F5: variants seen among roughly 807,000 people sequenced by gnomAD.
F5 encodes the protein activated protein c cofactor.
F5 carries 138 observed loss-of-function variants against 216.4 expected under a neutral mutation model. That is an observed-to-expected ratio of 0.64 (90% CI 0.56 to 0.73). The LOEUF is 0.73. F5 is among the 30% of genes least tolerant of loss of function. F5 has a pLI of 0.00. For synonymous variants in F5, 916 were observed against 930.7 expected (o/e 0.98, Z 0.29); for missense variants, 2,403 against 2,674.0 (o/e 0.90, Z 2.24).
At chr1:169,565,948 T>A (rs1466040200) in intron 3 of F5, among the ~76,000 whole-genome samples, 1 of 152,086 alleles carries the variant, frequency 6.6e-6, no homozygotes, top group Admixed American at 6.6e-5. Flanking sequence ...TTAAGTCACT[T>A]CCTGTAAGTT....
intron 3 of F5, among the ~76,000 whole-genome samples, chr1:169,566,014 A>G (rs1660590787): frequency 6.6e-6 from 1 of 152,150 alleles, no homozygotes; most frequent in African/African-American, 2.4e-5. Context: ...GTCTCCACTA[A>G]TAAGCAGGAA....
Position 169,542,978 on chromosome 1 carries a change from C to T in F5, c.2112G>A (p.Met704Ile), listed in dbSNP as rs1659906937. 3.7e-6 allele frequency: 6 copies of T among 1,613,968 alleles called. No homozygotes were observed. Among genetic ancestry groups the T allele is most frequent in the African/African-American group, 2.7e-5 (2 of 74,904 alleles). ...EIFEPPESTV[M>I]ATRKMHDRLE... is the part of the protein sequence containing the mutation. ...AACGATCATGCATTTTCCGTGTAGCCATGACTGTAGATTCTGGAGGTTCAA... is the reference window on the plus strand; with the variant it reads ...AACGATCATGCATTTTCCGTGTAGCTATGACTGTAGATTCTGGAGGTTCAA... The change falls in exon 13 of 25, where the codon ATG (methionine) becomes ATA (isoleucine). Residue 704 changes from methionine (M) to isoleucine (I), a missense_variant. Around this residue, in one of 4 missense-constraint regions of F5, gnomAD observed 1,425 missense variants for 1,554.8 expected, o/e 0.92. Transcript: ENST00000367797.
intron 14 of F5, among the ~76,000 whole-genome samples, chr1:169,533,289 A>G (rs1281709082): frequency 1.3e-5 from 2 of 152,200 alleles, no homozygotes. Context: ...TAAATGTCAG[A>G]CCTCAAACTA....
chr1:169,541,148 T>C lies in F5; in HGVS notation c.3942A>G (p.Pro1314=), dbSNP rs1306878172. Residue 1314 remains proline, a synonymous_variant, in exon 13 of 25, where the codon CCA becomes CCG. Transcript: ENST00000367797. ...GAGAAATGGGCATCTGACCGAGGGC[T>C]GGGGAAAGGTTTGTCTGACTGAGTT... ...SPELSQTNLS[P]ALGQMPISPD... The C allele has an allele frequency of 5.7e-6, 9 of 1,574,034 alleles. No homozygotes were observed. The Admixed American group carries it at 1.6e-4, about 27-fold the overall frequency.
Position 169,546,440 on chromosome 1 carries a change from A to C in F5, c.1762+2T>G. On this transcript the variant is annotated splice_donor_variant, in intron 11 of 24. Coordinates refer to ENST00000367797, the MANE Select transcript of F5 (RefSeq NM_000130.5). LOFTEE classifies it high-confidence loss of function. ...ATGAACAAAAATAGTACTCTGACTT[A>C]CTGCTCATGATGTTTGATTCATAAA... 6.2e-7 allele frequency: 1 copy of C among 1,614,086 alleles called. No individual in the cohort carries two copies. Among genetic ancestry groups the C allele is most frequent in the Non-Finnish European group, 8.5e-7 (1 of 1,179,984 alleles).
chr1:169,551,734 T>G (rs764147122), intron 8 of F5, among the ~76,000 whole-genome samples: 1 of 152,224 alleles, frequency 6.6e-6, no homozygotes, highest in Non-Finnish European at 1.5e-5. Flanking sequence ...AGCCTTTGGA[T>G]CATCCTTTGT....
chr1:169,560,234 A>G (rs9332563), intron 4 of F5, among the ~76,000 whole-genome samples: 4,489 of 152,254 alleles, frequency 0.029, 233 homozygotes, highest in African/African-American at 0.1. Flanking sequence ...GCTACTGTAT[A>G]CTTTCTAAAA....
At chr1:169,522,065 A>G (rs772422372) in intron 21 of F5, among the ~76,000 whole-genome samples, 18 of 152,188 alleles carry the variant, frequency 1.2e-4, no homozygotes, top group Non-Finnish European at 1.6e-4. Flanking sequence ...CTCTACACAT[A>G]TAAACTTAAC....
At chr1:169,519,572 G>T (rs1659243929) in intron 22 of F5, among the ~76,000 whole-genome samples, 1 of 152,146 alleles carries the variant, frequency 6.6e-6, no homozygotes, top group Non-Finnish European at 1.5e-5. Context: ...GGTATACTGT[G>T]CCATTATCTG....
chr1:169,514,797 G>A (rs1005046311), intron 24 of F5, among the ~76,000 whole-genome samples: 1 of 152,106 alleles, frequency 6.6e-6, no homozygotes, highest in African/African-American at 2.4e-5. Flanking sequence ...TCTCACCAGT[G>A]ATCTGACTTA....
chr1:169,541,620 A>G lies in F5; in HGVS notation c.3470T>C (p.Leu1157Pro). ...GGACTTGTGACTTCGGTCATACTCA[A>G]GCATTTCACTGAGCTCTGGAGAAGA... The part of the protein sequence containing the change: ...RSSSPELSEM[L>P]EYDRSHKSFP... The change falls in exon 13 of 25, where the codon CTT (leucine) becomes CCT (proline). Residue 1157 changes from leucine (L) to proline (P), a missense_variant. By Grantham distance (98) the Leu-to-Pro change is moderately conservative. Coordinates refer to ENST00000367797, the MANE Select transcript of F5 (RefSeq NM_000130.5). The G allele has an allele frequency of 1.2e-6, 2 of 1,614,102 alleles. No homozygotes were observed. The highest frequency in any genetic ancestry group is 1.7e-6 in the Non-Finnish European group (2 of 1,179,982).
At chr1:169,559,029 C>A in intron 5 of F5, 124 bp downstream of exon 5, 2 of 974,016 alleles carry the variant, frequency 2.1e-6, no homozygotes, top group Non-Finnish European at 3.2e-6. Context: ...GAAAATATTT[C>A]CTTCTTGATA....
chr1:169,571,053 TTAAA>T (rs5778623), intron 3 of F5, among the ~76,000 whole-genome samples: 41,688 of 151,864 alleles, frequency 0.27, 5,999 homozygotes, highest in South Asian at 0.36. Context: ...GGAAAGATAT[TTAAA>T]TGTGAACCAT....
At chr1:169,570,623 G>T (rs1268474080) in intron 3 of F5, among the ~76,000 whole-genome samples, 1 of 152,068 alleles carries the variant, frequency 6.6e-6, no homozygotes, top group Non-Finnish European at 1.5e-5. Context: ...GTAGTTCATT[G>T]ACCTATTATC....
chr1:169,517,677 T>C (rs1659191048), intron 23 of F5, among the ~76,000 whole-genome samples: 1 of 152,164 alleles, frequency 6.6e-6, no homozygotes, highest in Non-Finnish European at 1.5e-5. Flanking sequence ...AGTGGGCTAA[T>C]ATCAGGGACA....
At chr1:169,581,087 T>G (rs1000189450) in intron 2 of F5, among the ~76,000 whole-genome samples, 3 of 152,122 alleles carry the variant, frequency 2.0e-5, no homozygotes, top group Non-Finnish European at 4.4e-5. Context: ...GCCTTGGTTT[T>G]GGGTGAGATT....
chr1:169,560,704 G>A lies in F5; in HGVS notation c.436C>T (p.Arg146Ter), dbSNP rs767477438. The A allele has an allele frequency of 3.1e-6, 5 of 1,613,426 alleles. No homozygotes were observed. Among genetic ancestry groups the A allele is most frequent in the South Asian group, 2.2e-5 (2 of 91,056 alleles). Residue 146 changes from arginine to a stop codon, truncating the protein, a stop_gained, in exon 4 of 25, where the codon CGA (arginine) becomes TGA (stop). Transcript: ENST00000367797. LOFTEE classifies it high-confidence loss of function. ...ATACTCCATTCATAGGTGTATTCTCGGCCTGGAGCCACAGCGTCGTCCATC... is the reference window on the plus strand; with the variant it reads ...ATACTCCATTCATAGGTGTATTCTCAGCCTGGAGCCACAGCGTCGTCCATC... ...EKMDDAVAPG[R>*]EYTYEWSISE...
At position 169,544,498 on chromosome 1, in the gene F5, G is replaced by A. The variant is rs1406074088; in HGVS notation, c.1773C>T (p.Gly591=). 1.2e-5 allele frequency: 20 copies of A among 1,613,626 alleles called. No individual in the cohort carries two copies. Among genetic ancestry groups the A allele is most frequent in the Admixed American group, 1.7e-5 (1 of 59,964 alleles). Residue 591 remains glycine (G), a synonymous_variant, in exon 12 of 25, where the codon GGC becomes GGT. Coordinates refer to ENST00000367797, the MANE Select transcript of F5 (RefSeq NM_000130.5). ...YESNIMSTIN[G]YVPESITTLG... is the part of the protein sequence containing the mutation. ...GAGTAGTTATGCTCTCAGGCACATA[G>A]CCATTGATAGCTGAAAGTGTAAAAT...
At chr1:169,585,536 T>C (rs1181623942) in intron 1 of F5, among the ~76,000 whole-genome samples, 1 of 152,192 alleles carries the variant, frequency 6.6e-6, no homozygotes, top group Non-Finnish European at 1.5e-5. Context: ...AAGGATAGTA[T>C]TTTATCTGAA....
Sources: allele counts gnomAD v4.1 joint callset (sites outside exome capture counted in the v4.1 genomes callset), GRCh38; gene constraint gnomAD v4.1.1; regional missense constraint gnomAD v4.1.1; transcripts MANE v1.5; gene names NCBI Gene and HGNC (gene_info 2026-07-23, HGNC 2026-07-21).